Variants in NR3C1 observed in about 807,000 individuals in gnomAD.
NR3C1 encodes glucocorticoid receptor.
In NR3C1, 14 loss-of-function variants were observed where a neutral mutation model predicts 74.0. The observed-to-expected ratio is 0.19, with a 90% confidence interval of 0.12 to 0.30. NR3C1 has a LOEUF of 0.30. NR3C1 is among the 10% of genes least tolerant of loss of function. The pLI, the probability that NR3C1 is intolerant of heterozygous loss-of-function variation, is 1.00. For missense variants in NR3C1, 695 were observed against 909.8 expected (o/e 0.76, Z 3.04); for synonymous variants, 308 against 332.5 (o/e 0.93, Z 0.80).
At chr5:143,355,674 G>A (rs938090688) in intron 2 of NR3C1, among the ~76,000 whole-genome samples, 75 of 152,102 alleles carry the variant, frequency 4.9e-4, no homozygotes, top group Non-Finnish European at 1.5e-4. Context: ...GAGAAATTCC[G>A]TTTAACTATA....
intron 1 of NR3C1, among the ~76,000 whole-genome samples, chr5:143,419,095 C>T (rs929761030): frequency 6.6e-6 from 1 of 152,180 alleles, no homozygotes; most frequent in African/African-American, 2.4e-5. Flanking sequence ...TGGAACATTT[C>T]AGATTTTGGA....
intron 2 of NR3C1, among the ~76,000 whole-genome samples, chr5:143,370,405 G>A (rs1479251936): frequency 6.6e-6 from 1 of 152,186 alleles, no homozygotes; most frequent in Non-Finnish European, 1.5e-5. Flanking sequence ...CATATCGTCA[G>A]CATTCTTCTC....
In NR3C1 at chr5:143,336,805, G is replaced by A. The variant is rs549223202; in HGVS notation, c.1185-22637C>T. Among the ~76,000 whole-genome samples, 7 of 151,720 alleles carry A rather than the reference G, an allele frequency of 4.6e-5. No homozygotes were observed. The South Asian group carries it at 8.3e-4, about 18-fold the overall frequency. On this transcript the variant is annotated intron_variant, in intron 2 of 8. Transcript: ENST00000394464. ...TTCAAGTCCAGCCTGTCAACATGGC[G>A]AAACCCTGTTTCTATTAAATACAAA...
intron 2 of NR3C1, among the ~76,000 whole-genome samples, chr5:143,330,644 G>A (rs935394494): frequency 6.6e-6 from 1 of 152,216 alleles, no homozygotes; most frequent in African/African-American, 2.4e-5. Context: ...AACAGAAACT[G>A]CTGAGTACCA....
upstream of NR3C1, among the ~76,000 whole-genome samples, chr5:143,406,116 T>A (rs1372892380): frequency 6.6e-6 from 1 of 151,148 alleles, no homozygotes; most frequent in Non-Finnish European, 1.5e-5. Context: ...TACATATGTA[T>A]ACACATATAT....
chr5:143,427,157 A>G (rs1417658065), intron 1 of NR3C1, among the ~76,000 whole-genome samples: 1 of 152,212 alleles, frequency 6.6e-6, no homozygotes. Context: ...AGTAAGAAAT[A>G]GCATTTTCAT....
chr5:143,407,066 T>C (rs1841137538), upstream of NR3C1: 1 of 152,198 alleles, frequency 6.6e-6, no homozygotes, highest in African/African-American at 2.4e-5. Context: ...GATGAATCCC[T>C]ATCTGAGTGG....
intron 2 of NR3C1, chr5:143,332,621 G>A: frequency 3.3e-6 from 5 of 1,493,820 alleles, no homozygotes; most frequent in Non-Finnish European, 4.6e-6. Context: ...TAGCAAGACA[G>A]AAGAAAGGAA....
At chr5:143,285,668 A>G (rs2151488101) in intron 7 of NR3C1, among the ~76,000 whole-genome samples, 1 of 152,302 alleles carries the variant, frequency 6.6e-6, no homozygotes, top group Admixed American at 6.5e-5. Flanking sequence ...TAGATTAAAT[A>G]AGGCATCATG....
At chr5:143,317,519 C>T (rs962277405) in intron 2 of NR3C1, among the ~76,000 whole-genome samples, 3 of 152,072 alleles carry the variant, frequency 2.0e-5, no homozygotes, top group African/African-American at 7.2e-5. Context: ...AACAAAATGC[C>T]TTGTTCCAGG....
At chr5:143,371,552 G>C (rs950650708) in intron 2 of NR3C1, among the ~76,000 whole-genome samples, 1 of 152,226 alleles carries the variant, frequency 6.6e-6, no homozygotes, top group African/African-American at 2.4e-5. Flanking sequence ...CAGCCATGGT[G>C]ATCAGGAGGC....
At chr5:143,344,969 C>A (rs1282302558) in intron 2 of NR3C1, among the ~76,000 whole-genome samples, 1 of 152,118 alleles carries the variant, frequency 6.6e-6, no homozygotes, top group Non-Finnish European at 1.5e-5. Flanking sequence ...GCTCGTTCTT[C>A]CCATGTCTGT....
chr5:143,424,869 C>T (rs1014292515), intron 1 of NR3C1, among the ~76,000 whole-genome samples: 1 of 152,134 alleles, frequency 6.6e-6, no homozygotes, highest in Non-Finnish European at 1.5e-5. Context: ...CTGAAATTGT[C>T]CTCCTTTAGA....
chr5:143,410,911 A>C (rs910886361), intron 1 of NR3C1, among the ~76,000 whole-genome samples: 1 of 152,230 alleles, frequency 6.6e-6, no homozygotes, highest in Non-Finnish European at 1.5e-5. Flanking sequence ...GCTTGCAAGC[A>C]CTGACTGTTA....
At chr5:143,351,881 A>T (rs1322636162) in intron 2 of NR3C1, among the ~76,000 whole-genome samples, 2 of 152,218 alleles carry the variant, frequency 1.3e-5, no homozygotes, top group African/African-American at 4.8e-5. Flanking sequence ...CCTATACTAC[A>T]AGCTAGTTGG....
chr5:143,326,648 A>AT (rs1215879541), intron 2 of NR3C1, among the ~76,000 whole-genome samples: 1 of 152,194 alleles, frequency 6.6e-6, no homozygotes, highest in Non-Finnish European at 1.5e-5. Context: ...CAACCCTGGA[A>AT]TTTTTGGGGA....
intron 1 of NR3C1, among the ~76,000 whole-genome samples, chr5:143,421,860 T>C (rs1751251090): frequency 6.6e-6 from 1 of 152,216 alleles, no homozygotes; most frequent in African/African-American, 2.4e-5. Context: ...TCTTACTTTT[T>C]ATTCTTACTT....
chr5:143,340,059 T>C (rs943725413), intron 2 of NR3C1, among the ~76,000 whole-genome samples: 2 of 151,912 alleles, frequency 1.3e-5, no homozygotes, highest in Non-Finnish European at 1.5e-5. Flanking sequence ...CGACAAACAA[T>C]TGGAAAATAA....
intron 2 of NR3C1, among the ~76,000 whole-genome samples, chr5:143,342,232 G>A (rs1289925456): frequency 1.3e-5 from 2 of 152,118 alleles, no homozygotes; most frequent in African/African-American, 2.4e-5. Context: ...CTATAATGAC[G>A]GAGGCTAACT....
Sources: gnomAD v4.1 joint callset for allele counts (sites outside exome capture counted in the v4.1 genomes callset) on GRCh38, gnomAD v4.1.1 for gene constraint, MANE v1.5 for transcripts, NCBI Gene and HGNC (gene_info 2026-07-23, HGNC 2026-07-21) for gene names.